PRUNE2: variants seen among roughly 807,000 people sequenced by gnomAD.
PRUNE2 encodes prune homolog 2 with BCH domain.
PRUNE2 carries 164 observed loss-of-function variants against 252.0 expected under a neutral mutation model. That is an observed-to-expected ratio of 0.65 (90% confidence interval 0.57 to 0.74). PRUNE2 has a LOEUF of 0.74. Ranked by LOEUF, PRUNE2 falls within the 30% of genes least tolerant of loss-of-function variation. The probability of loss-of-function intolerance (pLI) is 0.00; values close to 1 mark genes in which losing one functional copy is unlikely to be tolerated. For synonymous variants in PRUNE2, 1,292 were observed against 1,350.2 expected (o/e 0.96, Z 0.94); for missense variants, 3,495 against 3,711.0 (o/e 0.94, Z 1.51).
chr9:76,780,743 TTTTG>T (rs1171028440), intron 6 of PRUNE2, among the ~76,000 whole-genome samples: 1 of 148,914 alleles, frequency 6.7e-6, no homozygotes, highest in Non-Finnish European at 1.5e-5. Context: ...AGGGTTTTGT[TTTTG>T]TTTTTGTTTT....
At chr9:76,894,993 T>C (rs1035352537) in intron 1 of PRUNE2, among the ~76,000 whole-genome samples, 12 of 151,676 alleles carry the variant, frequency 7.9e-5, no homozygotes, top group Admixed American at 4.6e-4. Flanking sequence ...TCCATTGCAC[T>C]CCAGCCTAGC....
In PRUNE2 at chr9:76,824,671, T is replaced by G. The variant is rs562885074; in HGVS notation, c.662-945A>C. Among the ~76,000 whole-genome samples, 935 of 152,288 alleles carry G rather than the reference T, an allele frequency of 6.1e-3. 9 individuals carry two copies. Among genetic ancestry groups the G allele is most frequent in the Non-Finnish European group, 0.011 (777 of 68,024 alleles). On this transcript the variant is annotated intron_variant, in intron 5 of 18. Transcript: ENST00000376718. The stretch of plus-strand genomic sequence containing the variant: ...CTACATTATTACGTCTGATTAGGCC[T>G]ACTCTCTTGGGAGGAAGATCTATAA...
chr9:76,874,147 G>C (rs111826202), intron 1 of PRUNE2, among the ~76,000 whole-genome samples: 222 of 152,250 alleles, frequency 1.5e-3, no homozygotes, highest in African/African-American at 4.9e-3. Context: ...CTCCATTATT[G>C]AGGGTTTTAA....
At chr9:76,738,218 G>A (rs780493310) in intron 6 of PRUNE2, 3 of 152,144 alleles carry the variant, frequency 2.0e-5, no homozygotes, top group Non-Finnish European at 4.4e-5. Flanking sequence ...TATTTAAGGC[G>A]TAAACATTAG....
chr9:76,875,255 C>G (rs150905826), intron 1 of PRUNE2, among the ~76,000 whole-genome samples: 1 of 152,188 alleles, frequency 6.6e-6, no homozygotes, highest in Admixed American at 6.5e-5. Context: ...CCCACCCATA[C>G]CACCTTCAAT....
At chr9:76,696,557 C>A (rs762836468) in intron 9 of PRUNE2, among the ~76,000 whole-genome samples, 1 of 152,140 alleles carries the variant, frequency 6.6e-6, no homozygotes, top group Non-Finnish European at 1.5e-5. Context: ...TCCCGAGTAG[C>A]TGGGACTACA....
intron 1 of PRUNE2, among the ~76,000 whole-genome samples, chr9:76,897,608 G>A (rs375699597): frequency 6.6e-6 from 1 of 151,658 alleles, no homozygotes; most frequent in South Asian, 2.1e-4. Flanking sequence ...TAGAGATGGG[G>A]TTTCACCGTG....
rs374196758 is a variant in PRUNE2, at chr9:76,639,494, AAAAC to A, written c.8729-1210_8729-1207del. ...TGACAGAGTGAGATTCTGTCTCAAA[AAAAC>A]AAACAACAAAAAAACTATATACAGC... is the stretch of plus-strand genomic sequence containing the variant. On this transcript the variant is annotated intron_variant, in intron 12 of 18. Coordinates refer to ENST00000376718, the MANE Select transcript of PRUNE2 (RefSeq NM_015225.3). Among the ~76,000 whole-genome samples, 1,457 of 152,304 alleles carry A rather than the reference AAAAC, an allele frequency of 9.6e-3. 29 individuals carry two copies. Among genetic ancestry groups the A allele is most frequent in the African/African-American group, 0.032 (1,340 of 41,556 alleles).
chr9:76,705,174 C>G lies in PRUNE2; in HGVS notation c.7100G>C (p.Arg2367Thr). ...ACCATACAGGAAGTGTTCAGGCTCT[C>G]TCAGTAAATCTTCATCGATATTCTG... ...MGQNIDEDLL[R>T]EPEHFLYGGD... The change falls in exon 8 of 19, where the codon AGA becomes ACA. Residue 2367 changes from arginine (R) to threonine (T), a missense_variant. Arg to Thr is a moderately conservative substitution (Grantham distance 71). Coordinates refer to ENST00000376718, the MANE Select transcript of PRUNE2 (RefSeq NM_015225.3). 1.2e-6 allele frequency: 2 copies of G among 1,614,032 alleles called. No homozygotes were observed. Among genetic ancestry groups the G allele is most frequent in the Non-Finnish European group, 1.7e-6 (2 of 1,179,898 alleles).
At chr9:76,645,604 A>C (rs756939053) in intron 11 of PRUNE2, among the ~76,000 whole-genome samples, 2 of 152,056 alleles carry the variant, frequency 1.3e-5, no homozygotes, top group African/African-American at 4.8e-5. Context: ...AAAAAAGCCT[A>C]CTGAGCATCC....
chr9:76,889,241 G>T (rs2062307919), intron 1 of PRUNE2, among the ~76,000 whole-genome samples: 1 of 152,166 alleles, frequency 6.6e-6, no homozygotes, highest in African/African-American at 2.4e-5. Context: ...TAAGGGATAT[G>T]AAGAAATTTT....
intron 6 of PRUNE2, chr9:76,788,293 C>T (rs2055209573): frequency 8.2e-6 from 5 of 611,642 alleles, no homozygotes; most frequent in Middle Eastern, 2.6e-4. Context: ...ATATTCTAGT[C>T]GAAAGAAACA....
At chr9:76,838,280 T>C (rs1441730216) in intron 4 of PRUNE2, among the ~76,000 whole-genome samples, 3 of 152,010 alleles carry the variant, frequency 2.0e-5, no homozygotes, top group African/African-American at 7.3e-5. Context: ...AGATTCTCCA[T>C]TTAATACAAA....
chr9:76,798,590 T>C (rs990768432), intron 6 of PRUNE2, among the ~76,000 whole-genome samples: 4 of 152,152 alleles, frequency 2.6e-5, no homozygotes, highest in African/African-American at 9.7e-5. Context: ...GCTATGAACA[T>C]GGATGAACAA....
At chr9:76,807,935 T>C (rs2057089011) in intron 6 of PRUNE2, among the ~76,000 whole-genome samples, 1 of 152,172 alleles carries the variant, frequency 6.6e-6, no homozygotes. Flanking sequence ...CCCTTCACTT[T>C]GGGAGGCTGA....
Position 76,823,740 on chromosome 9 carries a change from GAA to G in PRUNE2, c.662-16_662-15del. ...CAATACTTAAACCTGTGGATGACAG[GAA>G]AAAAAAACATTATGTTATACTTGAG... On this transcript the variant is annotated splice_polypyrimidine_tract_variant and intron_variant, in intron 5 of 18. Transcript: ENST00000376718. 6.9e-7 allele frequency: 1 copy of G among 1,440,988 alleles called. No homozygotes were observed. Among genetic ancestry groups the G allele is most frequent in the Non-Finnish European group, 9.5e-7 (1 of 1,052,076 alleles). 89.3% of individuals were successfully genotyped at this position (1,440,988 alleles called of 1,614,324 possible).
chr9:76,661,308 T>C (rs1179693112), intron 9 of PRUNE2, among the ~76,000 whole-genome samples: 1 of 152,220 alleles, frequency 6.6e-6, no homozygotes, highest in East Asian at 1.9e-4. Context: ...AGTGGTGCAA[T>C]CTTGGCTCAC....
rs752463766 is a variant in PRUNE2, at chr9:76,705,946, C to T, written c.6328G>A (p.Asp2110Asn). 3 of 1,613,862 alleles carry T rather than the reference C, an allele frequency of 1.9e-6. No homozygotes were observed. Among genetic ancestry groups the T allele is most frequent in the African/African-American group, 1.3e-5 (1 of 74,928 alleles). The change falls in exon 8 of 19, where the codon GAT becomes AAT. Residue 2110 changes from aspartate (D) to asparagine (N), a missense_variant. By Grantham distance (23) the Asp-to-Asn change is conservative. Transcript: ENST00000376718. The part of the protein sequence containing the change: ...QASDSPDICH[D>N]SEAKQETEKH... ...TCAGTCTCTTGCTTTGCTTCAGAAT[C>T]GTGACATATATCAGGGCTGTCGGAA...
At chr9:76,694,355 G>C (rs937755960) in intron 9 of PRUNE2, among the ~76,000 whole-genome samples, 1 of 152,022 alleles carries the variant, frequency 6.6e-6, no homozygotes, top group African/African-American at 2.4e-5. Flanking sequence ...ACTAATTTTT[G>C]TATTTTTAGT....
Sources: gnomAD v4.1 joint callset for allele counts (sites outside exome capture counted in the v4.1 genomes callset) on GRCh38, gnomAD v4.1.1 for gene constraint, MANE v1.5 for transcripts, NCBI Gene and HGNC (gene_info 2026-07-23, HGNC 2026-07-21) for gene names.